Variants in FOXP2 observed in about 807,000 individuals in gnomAD.
FOXP2 encodes the protein forkhead box P2, also known as forkhead box protein P2.
FOXP2 carries 12 observed loss-of-function variants against 115.8 expected under a neutral mutation model. The ratio of observed to expected loss-of-function variants is 0.10; its 90% CI spans 0.07 to 0.17. The LOEUF (loss-of-function observed/expected upper bound fraction) is 0.17. FOXP2 is among the 10% of genes least tolerant of loss of function. The pLI is 1.00. For missense variants in FOXP2, 629 were observed against 843.5 expected, an observed-to-expected ratio of 0.75 and a Z score of 3.15; for synonymous variants, 328 against 297.7, an observed-to-expected ratio of 1.10 and a Z score of -1.05.
At chr7:114,163,280 T>C (rs1792889026) in intron 1 of FOXP2, among the ~76,000 whole-genome samples, 1 of 152,148 alleles carries the variant, frequency 6.6e-6, no homozygotes, top group Non-Finnish European at 1.5e-5. Context: ...TACCTTACAA[T>C]AATAATATTT....
chr7:114,605,511 T>C (rs927588049), intron 3 of FOXP2, among the ~76,000 whole-genome samples: 1 of 152,104 alleles, frequency 6.6e-6, no homozygotes, highest in Admixed American at 6.6e-5. Context: ...CAAAATGAGA[T>C]AAATGTAATA....
At chr7:114,499,841 G>T (rs995463426) in intron 2 of FOXP2, 21 of 152,116 alleles carry the variant, frequency 1.4e-4, no homozygotes, top group Non-Finnish European at 2.2e-4. Context: ...GCCTATAGAA[G>T]ATGCTGAACT....
intron 1 of FOXP2, among the ~76,000 whole-genome samples, chr7:114,237,211 G>A (rs1795032371): frequency 6.6e-6 from 1 of 152,160 alleles, no homozygotes. Flanking sequence ...TATGAGTGAT[G>A]TTTCCAGAAA....
At chr7:114,551,656 T>C (rs758277692) in intron 3 of FOXP2, among the ~76,000 whole-genome samples, 113 of 152,080 alleles carry the variant, frequency 7.4e-4, no homozygotes, top group Non-Finnish European at 1.3e-3. Flanking sequence ...AAAAGGAAAA[T>C]GGGAGAGTAT....
At chr7:114,352,079 G>A (rs1304446753) in intron 2 of FOXP2, among the ~76,000 whole-genome samples, 13 of 151,690 alleles carry the variant, frequency 8.6e-5, no homozygotes, top group Non-Finnish European at 1.8e-4. Context: ...ACCAGCTGGG[G>A]CAACATGGCA....
At chr7:114,285,199 GT>G (rs1054339210) in intron 1 of FOXP2, among the ~76,000 whole-genome samples, 2 of 151,982 alleles carry the variant, frequency 1.3e-5, no homozygotes, top group African/African-American at 4.8e-5. Context: ...AGTTTTTTGG[GT>G]TTTTTTGGTA....
At chr7:114,152,293 G>A (rs1044406251) in intron 1 of FOXP2, among the ~76,000 whole-genome samples, 2 of 151,954 alleles carry the variant, frequency 1.3e-5, no homozygotes, top group African/African-American at 2.4e-5. Flanking sequence ...GTGACTGATA[G>A]GTAAAATAGT....
chr7:114,244,726 T>A (rs1795234825), intron 1 of FOXP2, among the ~76,000 whole-genome samples: 1 of 152,170 alleles, frequency 6.6e-6, no homozygotes, highest in Non-Finnish European at 1.5e-5. Flanking sequence ...TCCCAAACAT[T>A]TGTGTTTCTG....
intron 2 of FOXP2, among the ~76,000 whole-genome samples, chr7:114,520,507 A>G (rs1798568512): frequency 6.6e-6 from 1 of 152,124 alleles, no homozygotes; most frequent in Non-Finnish European, 1.5e-5. Context: ...CTAGTATCTA[A>G]CAAAAAGTTA....
upstream of FOXP2, among the ~76,000 whole-genome samples, chr7:114,413,539 A>T (rs1264589181): frequency 6.6e-6 from 1 of 152,142 alleles, no homozygotes; most frequent in Non-Finnish European, 1.5e-5. Context: ...AATGAAAAAA[A>T]TTGCTAACAG....
intron 1 of FOXP2, among the ~76,000 whole-genome samples, chr7:114,253,970 C>T (rs1584582129): frequency 2.0e-5 from 3 of 152,128 alleles, no homozygotes; most frequent in African/African-American, 7.2e-5. Flanking sequence ...CTTCAGGAGC[C>T]CTTGTAGGGC....
At chr7:114,376,920 A>C (rs1792152747) in intron 2 of FOXP2, among the ~76,000 whole-genome samples, 1 of 152,212 alleles carries the variant, frequency 6.6e-6, no homozygotes, top group Non-Finnish European at 1.5e-5. Flanking sequence ...GTGAGTTTAG[A>C]TATAACACAA....
At chr7:114,272,562 A>T (rs1162084403) in intron 1 of FOXP2, among the ~76,000 whole-genome samples, 1 of 151,870 alleles carries the variant, frequency 6.6e-6, no homozygotes. Context: ...TCTTTAATAG[A>T]CATAGGCCTA....
At chr7:114,684,215 C>T (rs904855207) in intron 16 of FOXP2, among the ~76,000 whole-genome samples, 2 of 152,096 alleles carry the variant, frequency 1.3e-5, no homozygotes, top group African/African-American at 4.8e-5. Flanking sequence ...GATTTTTCCA[C>T]GAGGTTCTTT....
At chr7:114,188,548 A>G (rs531761628) in intron 1 of FOXP2, among the ~76,000 whole-genome samples, 18 of 152,234 alleles carry the variant, frequency 1.2e-4, no homozygotes, top group Non-Finnish European at 2.4e-4. Flanking sequence ...TAACTCCTCA[A>G]TCCTTTTTTT....
chr7:114,350,296 TC>T (rs1791451384), intron 2 of FOXP2, among the ~76,000 whole-genome samples: 1 of 151,964 alleles, frequency 6.6e-6, no homozygotes, highest in Non-Finnish European at 1.5e-5. Context: ...TTTCCTCCCC[TC>T]CCCCGGTCCC....
At chr7:114,217,537 T>C (rs1794517437) in intron 1 of FOXP2, among the ~76,000 whole-genome samples, 1 of 152,160 alleles carries the variant, frequency 6.6e-6, no homozygotes, top group Non-Finnish European at 1.5e-5. Context: ...GGAAGCTAGA[T>C]AACAATAATT....
rs1800564939 is a variant in FOXP2, at chr7:114,558,214, G to A, written c.258+23508G>A. On this transcript the variant is annotated intron_variant, in intron 3 of 16. Coordinates refer to ENST00000350908, the MANE Select transcript of FOXP2 (RefSeq NM_014491.4). Reference sequence around the variant, plus strand: ...ATGGGGTATCAACTGGAAGAAAGAGGAGGTAGAGTTTATAGAAACAAAAAG... The same window carrying A: ...ATGGGGTATCAACTGGAAGAAAGAGAAGGTAGAGTTTATAGAAACAAAAAG... Among the ~76,000 whole-genome samples the A allele has an allele frequency of 2.0e-5, 3 of 152,252 alleles. No individual in the cohort carries two copies. In the South Asian group the frequency reaches 6.2e-4, roughly 32 times the overall value.
intron 2 of FOXP2, among the ~76,000 whole-genome samples, chr7:114,306,810 G>T (rs1391605051): frequency 6.6e-6 from 1 of 152,048 alleles, no homozygotes; most frequent in Non-Finnish European, 1.5e-5. Context: ...TCTAGAGGCT[G>T]CCTACATTTC....
Sources: gnomAD v4.1 joint callset for allele counts (sites outside exome capture counted in the v4.1 genomes callset) on GRCh38, gnomAD v4.1.1 for gene constraint, MANE v1.5 for transcripts, NCBI Gene and HGNC (gene_info 2026-07-23, HGNC 2026-07-21) for gene names.